MROH2A: variants seen among roughly 807,000 people sequenced by gnomAD.
The protein encoded by MROH2A is maestro heat-like repeat-containing protein family member 2A.
A neutral mutation model predicts 200.4 loss-of-function variants in MROH2A; 174 were observed. The observed-to-expected ratio is 0.87, with a 90% CI of 0.77 to 0.98. The LOEUF (loss-of-function observed/expected upper bound fraction) is 0.98, where lower values mean the gene tolerates loss of function less well. MROH2A is among the 50% of genes least tolerant of loss of function. The pLI is 0.00. For synonymous variants in MROH2A, 829 were observed against 840.4 expected (o/e 0.99, Z 0.23); for missense variants, 2,045 against 2,139.6 (o/e 0.96, Z 0.87).
intron 31 of MROH2A, 110 bp from the exon 32 acceptor site, chr2:233,822,014 C>A: frequency 2.3e-6 from 3 of 1,321,898 alleles, no homozygotes; most frequent in Non-Finnish European, 2.0e-6. Context: ...GAGATTCAGT[C>A]CCCAGAGTCC....
chr2:233,787,534 T>TA (rs1188155747), intron 3 of MROH2A, among the ~76,000 whole-genome samples: 3 of 114,260 alleles, frequency 2.6e-5, no homozygotes, highest in Non-Finnish European at 4.9e-5. Context: ...ATTACATATA[T>TA]CATATATACA....
intron 14 of MROH2A, 44 bp downstream of exon 14, chr2:233,800,359 G>C: frequency 8.4e-7 from 1 of 1,186,290 alleles, no homozygotes; most frequent in Non-Finnish European, 1.2e-6. Context: ...CACCACGCCA[G>C]GCTGGGGGTG....
upstream of MROH2A, among the ~76,000 whole-genome samples, chr2:233,776,972 T>C (rs1045749074): frequency 2.0e-5 from 3 of 152,170 alleles, no homozygotes; most frequent in Non-Finnish European, 4.4e-5. Context: ...TGCTGCACAA[T>C]GTCCCCATCA....
In MROH2A at chr2:233,799,863, C is replaced by T. The variant is rs898897175; in HGVS notation, c.1413C>T (p.Tyr471=). ...GAATCAAAGGCTGGGGCCTGAAGTA[C>T]CTGTCTGTGCAGCTGACCTTATCCA... The part of the protein sequence containing the change: ...QERIKGWGLK[Y]LSVQLTLSTY... The change falls in exon 13 of 42, where the codon TAC becomes TAT. Residue 471 remains tyrosine, a synonymous_variant. Coordinates refer to ENST00000389758, the MANE Select transcript of MROH2A (RefSeq NM_001394639.1). 3.2e-6 allele frequency: 5 copies of T among 1,550,370 alleles called. No individual in the cohort carries two copies. The African/African-American group carries it at 6.8e-5, about 21-fold the overall frequency.
chr2:233,822,173 C>G lies in MROH2A; in HGVS notation c.3562C>G (p.Arg1188Gly), dbSNP rs577027731. Residue 1188 changes from arginine (R) to glycine (G), a missense_variant, in exon 32 of 42, where the codon CGG (arginine) becomes GGG (glycine). Transcript: ENST00000389758. ...LAVSENVPFA[R>G]TMLHSLMGRL... ...AGTGTCGGAGAACGTGCCCTTCGCC[C>G]GGACCATGCTCCACAGCCTGATGGG... 19 of 1,549,868 alleles carry G rather than the reference C, an allele frequency of 1.2e-5. No homozygotes were observed. The African/African-American group carries it at 2.5e-4, about 20-fold the overall frequency.
rs1172838468 is a variant in MROH2A, at chr2:233,828,723, C to A, written c.4207C>A (p.Leu1403Met). 2 of 1,550,584 alleles carry A rather than the reference C, an allele frequency of 1.3e-6. No homozygotes were observed. Among genetic ancestry groups the A allele is most frequent in the East Asian group, 2.4e-5 (1 of 40,926 alleles). The change falls in exon 36 of 42, where the codon CTG becomes ATG. Residue 1403 changes from leucine to methionine, a missense_variant. Physicochemically the swap from Leu to Met is conservative, Grantham distance 15. This residue lies in a region of MROH2A where 1,201 missense variants were observed against 1,311.3 expected (regional missense o/e 0.92). Transcript: ENST00000389758. The surrounding 1 kb of genome is among the most constrained non-coding windows in gnomAD (Gnocchi z 4.6). ...KGADQEEDEA[L>M]RVLSLRALGN... ...TGCCGACCAGGAGGAAGACGAGGCC[C>A]TGCGGGTGCTGTCCCTGCGCGCCCT...
chr2:233,786,863 A>G (rs867926651), intron 3 of MROH2A, among the ~76,000 whole-genome samples: 1 of 152,226 alleles, frequency 6.6e-6, no homozygotes, highest in African/African-American at 2.4e-5. Context: ...AACTAGTAAG[A>G]TGTTAAAAGC....
chr2:233,822,592 C>CT, intron 33 of MROH2A, 36 bp downstream of exon 33: 1 of 1,535,536 alleles, frequency 6.5e-7, no homozygotes, highest in East Asian at 2.5e-5. Context: ...GGCAGCAGGC[C>CT]TGGGCTGGCT....
chr2:233,817,138 G>A (rs981280812), intron 27 of MROH2A, among the ~76,000 whole-genome samples: 4 of 152,166 alleles, frequency 2.6e-5, no homozygotes. Context: ...TAAGAAAAAA[G>A]ATACATAGTT....
At chr2:233,819,812 G>A (rs1394883326) in intron 30 of MROH2A, 90 bp from the exon 31 acceptor site, 5 of 1,370,804 alleles carry the variant, frequency 3.6e-6, no homozygotes, top group African/African-American at 1.5e-5. Context: ...AACTGGGCCA[G>A]AGCCCTTAGA....
intron 37 of MROH2A, 90 bp from the exon 38 acceptor site, chr2:233,829,530 C>T: frequency 7.9e-7 from 1 of 1,267,588 alleles, no homozygotes; most frequent in Non-Finnish European, 1.0e-6. Flanking sequence ...TCTGCAGGGA[C>T]CAAGGCATTG....
intron 6 of MROH2A, among the ~76,000 whole-genome samples, chr2:233,793,295 G>T (rs1701899435): frequency 1.3e-5 from 2 of 152,192 alleles, no homozygotes; most frequent in South Asian, 4.1e-4. Context: ...CCTTGCCCCA[G>T]ATTTTGATTA....
At position 233,822,569 on chromosome 2, in the gene MROH2A, G is replaced by A; in HGVS notation, c.3866+13G>A. ...TGAACCTGCAAAGGTGCTCTCGAGG[G>A]CGGTGGGTGCAAGGCAGCAGGCCTG... is the stretch of plus-strand genomic sequence containing the variant. On this transcript the variant is annotated intron_variant, in intron 33 of 41. Transcript: ENST00000389758. 2.6e-6 allele frequency: 4 copies of A among 1,546,684 alleles called. No individual in the cohort carries two copies. The highest frequency in any genetic ancestry group is 3.5e-6 in the Non-Finnish European group (4 of 1,146,628).
At chr2:233,812,487 T>C (rs978370466) in intron 24 of MROH2A, among the ~76,000 whole-genome samples, 9 of 152,158 alleles carry the variant, frequency 5.9e-5, no homozygotes, top group African/African-American at 1.9e-4. Flanking sequence ...ACCTCCCCTA[T>C]AGGGGAAGAT....
Position 233,789,857 on chromosome 2 carries a change from G to A in MROH2A, c.414G>A (p.Glu138=). ...CCCTCTTCTGTCTCCTGCAGATGGA[G>A]GGCTATATGAAGGCAGAGGTGGCCA... ...SKEMREIPEM[E]GYMKAEVASD... is the part of the protein sequence containing the mutation. Residue 138 remains glutamate, a synonymous_variant, in exon 5 of 42, where the codon GAG becomes GAA. Coordinates refer to ENST00000389758, the MANE Select transcript of MROH2A (RefSeq NM_001394639.1). 6.5e-7 allele frequency: 1 copy of A among 1,549,560 alleles called. No individual in the cohort carries two copies. The highest frequency in any genetic ancestry group is 8.7e-7 in the Non-Finnish European group (1 of 1,146,524).
chr2:233,831,603 G>C, intron 39 of MROH2A, 63 bp downstream of exon 39: 1 of 1,511,482 alleles, frequency 6.6e-7, no homozygotes, highest in East Asian at 2.5e-5. Flanking sequence ...TGGAGCTGGG[G>C]GGTCGAGATT....
At chr2:233,803,423 C>G (rs60396885) in intron 15 of MROH2A, 25 bp from the exon 16 acceptor site, 5 of 1,550,442 alleles carry the variant, frequency 3.2e-6, no homozygotes, top group Admixed American at 2.0e-5. Context: ...GAAGGCTCAG[C>G]TGGGGTTGCA....
At chr2:233,818,167 G>A (rs1379896101) in intron 28 of MROH2A, 42 bp downstream of exon 28, 1 of 1,545,924 alleles carries the variant, frequency 6.5e-7, no homozygotes, top group South Asian at 1.2e-5. Flanking sequence ...CTCTGGGAGG[G>A]AGAGAGGGCT....
Position 233,807,443 on chromosome 2 carries a change from G to A in MROH2A, c.2073G>A (p.Leu691=). ...TCCAGGGCTTTCTGTACCGGGCCTT[G>A]GGCTTCACCTTGGCCACAGGCCTGG... ...SLEKGFLYRA[L]GFTLATGLEA... Residue 691 remains leucine, a synonymous_variant, in exon 20 of 42, where the codon TTG becomes TTA. Coordinates refer to ENST00000389758, the MANE Select transcript of MROH2A (RefSeq NM_001394639.1). The surrounding 1 kb of genome is among the most constrained non-coding windows in gnomAD (Gnocchi z 4.3). 6.4e-7 allele frequency: 1 copy of A among 1,550,598 alleles called. No homozygotes were observed. Among genetic ancestry groups the A allele is most frequent in the Non-Finnish European group, 8.7e-7 (1 of 1,146,996 alleles).
Sources: gnomAD v4.1 joint callset for allele counts (sites outside exome capture counted in the v4.1 genomes callset) on GRCh38, gnomAD v4.1.1 for gene constraint, gnomAD v4.1.1 regional missense constraint, Gnocchi (gnomAD v3.1) non-coding constraint, MANE v1.5 for transcripts, NCBI Gene and HGNC (gene_info 2026-07-23, HGNC 2026-07-21) for gene names.